RBPJ: variants seen among roughly 807,000 people sequenced by gnomAD.
RBPJ encodes the protein recombination signal binding protein for immunoglobulin kappa J region.
Under a neutral mutation model 67.8 loss-of-function variants are expected in RBPJ, and 9 were observed. The ratio of observed to expected loss-of-function variants is 0.13; its 90% CI spans 0.08 to 0.23. RBPJ has a LOEUF of 0.23. RBPJ is among the 10% of genes least tolerant of loss of function. The pLI, the probability that RBPJ is intolerant of heterozygous loss-of-function variation, is 1.00. For synonymous variants in RBPJ, 198 were observed against 203.3 expected, an observed-to-expected ratio of 0.97 and a Z score of 0.22; for missense variants, 305 against 595.6, an observed-to-expected ratio of 0.51 and a Z score of 5.08.
At chr4:26,357,880 A>G (rs1727574059) in intron 1 of RBPJ, among the ~76,000 whole-genome samples, 1 of 152,168 alleles carries the variant, frequency 6.6e-6, no homozygotes, top group Non-Finnish European at 1.5e-5. Context: ...AGGTTCATCC[A>G]TGTAGCGTTG....
chr4:26,166,830 T>C (rs1421390218), intron 1 of RBPJ, among the ~76,000 whole-genome samples: 1 of 152,174 alleles, frequency 6.6e-6, no homozygotes, highest in East Asian at 1.9e-4. Flanking sequence ...GGTTTTCTTC[T>C]AGGGTTTTTA....
At chr4:26,272,563 CCTGT>C (rs1254235078) in intron 1 of RBPJ, 3 of 388,576 alleles carry the variant, frequency 7.7e-6, no homozygotes, top group Admixed American at 6.1e-5. Flanking sequence ...AGAGCAAGAC[CCTGT>C]CTATCTCTAC....
chr4:26,126,444 C>G, the RBPJ span, among the ~76,000 whole-genome samples: 1 of 152,358 alleles, frequency 6.6e-6, no homozygotes, highest in South Asian at 2.1e-4. Context: ...CTCTCTCTTT[C>G]CCTTTTCCAT....
intron 1 of RBPJ, among the ~76,000 whole-genome samples, chr4:26,201,101 G>T (rs1717966358): frequency 6.6e-6 from 1 of 152,106 alleles, no homozygotes. Flanking sequence ...TCCCAAAAAA[G>T]GTTTGGAAAT....
chr4:26,217,213 T>C (rs1270845211), intron 1 of RBPJ, among the ~76,000 whole-genome samples: 2 of 152,206 alleles, frequency 1.3e-5, no homozygotes, highest in African/African-American at 4.8e-5. Context: ...TGCCTTAATG[T>C]GGCCTGGTAA....
chr4:26,128,230 A>G, the RBPJ span, among the ~76,000 whole-genome samples: 2 of 152,178 alleles, frequency 1.3e-5, no homozygotes, highest in African/African-American at 4.8e-5. Context: ...CTATTTCTTC[A>G]TACTAAAAAT....
At chr4:26,197,419 T>G (rs1446520057) in intron 1 of RBPJ, among the ~76,000 whole-genome samples, 1 of 152,142 alleles carries the variant, frequency 6.6e-6, no homozygotes, top group Non-Finnish European at 1.5e-5. Context: ...GAAATTCAAG[T>G]CATTTCTTGA....
At chr4:26,409,749 C>G (rs1733837298) in intron 3 of RBPJ, among the ~76,000 whole-genome samples, 1 of 152,186 alleles carries the variant, frequency 6.6e-6, no homozygotes, top group African/African-American at 2.4e-5. Flanking sequence ...CTGCCCGCCT[C>G]TGCCTCCCAA....
At chr4:26,238,756 G>C (rs534087401) in intron 1 of RBPJ, among the ~76,000 whole-genome samples, 1 of 152,268 alleles carries the variant, frequency 6.6e-6, no homozygotes, top group East Asian at 1.9e-4. Context: ...CAGAAGTGGT[G>C]GGGTCGCGGG....
chr4:26,314,948 C>A (rs1343527088), upstream of RBPJ, among the ~76,000 whole-genome samples: 17 of 151,500 alleles, frequency 1.1e-4, no homozygotes, highest in African/African-American at 4.1e-4. Context: ...AGTTTGAGAA[C>A]ATCCTGGCCA....
chr4:26,376,138 A>C (rs1729705479), intron 1 of RBPJ, among the ~76,000 whole-genome samples: 1 of 152,206 alleles, frequency 6.6e-6, no homozygotes, highest in Non-Finnish European at 1.5e-5. Flanking sequence ...ATGTAAAATT[A>C]ACCATTTTAA....
At chr4:26,354,738 C>CA (rs775037027) in intron 1 of RBPJ, among the ~76,000 whole-genome samples, 4 of 152,124 alleles carry the variant, frequency 2.6e-5, no homozygotes, top group Non-Finnish European at 5.9e-5. Context: ...GCATGAGCCA[C>CA]ATGCCTGGCC....
At chr4:26,388,745 A>C (rs73121181) in intron 2 of RBPJ, among the ~76,000 whole-genome samples, 2 of 152,334 alleles carry the variant, frequency 1.3e-5, no homozygotes, top group South Asian at 4.1e-4. Context: ...AATAGATACT[A>C]TCTAAAATGA....
chr4:26,120,596 A>C, the RBPJ span, among the ~76,000 whole-genome samples: 14 of 151,594 alleles, frequency 9.2e-5, no homozygotes, highest in Non-Finnish European at 1.9e-4. Context: ...CTTCATCCTA[A>C]CCTTGGCACC....
intron 1 of RBPJ, among the ~76,000 whole-genome samples, chr4:26,311,743 G>A (rs1006026507): frequency 6.6e-6 from 1 of 152,120 alleles, no homozygotes; most frequent in African/African-American, 2.4e-5. Flanking sequence ...GAAAGTCCCA[G>A]AGAAAGGTTA....
chr4:26,106,649 G>A, the RBPJ span, among the ~76,000 whole-genome samples: 1 of 152,144 alleles, frequency 6.6e-6, no homozygotes, highest in Non-Finnish European at 1.5e-5. Context: ...GGCTGCCTTG[G>A]TGTCGCTGTT....
At chr4:26,130,419 G>A in the RBPJ span, among the ~76,000 whole-genome samples, 1 of 152,246 alleles carries the variant, frequency 6.6e-6, no homozygotes, top group East Asian at 1.9e-4. Flanking sequence ...AAATTTGTCT[G>A]CTTGGGTTTG....
At chr4:26,428,693 C>T in intron 7 of RBPJ, 27 bp from the exon 8 acceptor site, 1 of 1,584,204 alleles carries the variant, frequency 6.3e-7, no homozygotes, top group Non-Finnish European at 8.6e-7. Flanking sequence ...TGTGGATGAC[C>T]TTTTATTTCT....
In RBPJ at chr4:26,197,047, C is replaced by T. The variant is rs1717791661; in HGVS notation, c.-167+33433C>T. On this transcript the variant is annotated intron_variant, in intron 1 of 4. Coordinates refer to the RBPJ transcript ENST00000512351. Reference sequence around the variant, plus strand: ...TCAATCTTTCTCTCGCTCACTCTCTCTCTTTTATTTTTGTAATAACTGGTT... The same window carrying T: ...TCAATCTTTCTCTCGCTCACTCTCTTTCTTTTATTTTTGTAATAACTGGTT... 2.0e-5 allele frequency among the ~76,000 whole-genome samples: 3 copies of T among 152,216 alleles called. No homozygotes were observed. In the South Asian group the frequency reaches 6.2e-4, roughly 32 times the overall value.
Sources: gnomAD v4.1 joint callset for allele counts (sites outside exome capture counted in the v4.1 genomes callset) on GRCh38, gnomAD v4.1.1 for gene constraint, MANE v1.5 for transcripts, NCBI Gene and HGNC (gene_info 2026-07-23, HGNC 2026-07-21) for gene names.